HIPK2: variants seen among roughly 807,000 people sequenced by gnomAD.
HIPK2 encodes the protein homeodomain-interacting protein kinase 2.
A neutral mutation model predicts 113.7 loss-of-function variants in HIPK2; 27 were observed. That is an observed-to-expected ratio of 0.24 (90% CI 0.17 to 0.33). The LOEUF (loss-of-function observed/expected upper bound fraction) is 0.33, where lower values mean the gene tolerates loss of function less well. HIPK2 is among the 10% of genes least tolerant of loss of function. The pLI is 1.00. For missense variants in HIPK2, 1,257 were observed against 1,588.0 expected (o/e 0.79, Z 3.54); for synonymous variants, 631 against 642.2 (o/e 0.98, Z 0.26).
At chr7:139,617,061 CTGCT>C (rs1366510361) in intron 7 of HIPK2, among the ~76,000 whole-genome samples, 1 of 152,172 alleles carries the variant, frequency 6.6e-6, no homozygotes, top group Non-Finnish European at 1.5e-5. Flanking sequence ...GTTTCGAACC[CTGCT>C]TAAGGACCAG....
At chr7:139,604,671 G>A (rs537628753) in intron 9 of HIPK2, among the ~76,000 whole-genome samples, 60 of 120,824 alleles carry the variant, frequency 5.0e-4, no homozygotes, top group Middle Eastern at 8.6e-3. Flanking sequence ...GCGACAGAGC[G>A]AGACTCCGTC....
At chr7:139,666,235 T>TA (rs569091382) in intron 2 of HIPK2, among the ~76,000 whole-genome samples, 37 of 150,660 alleles carry the variant, frequency 2.5e-4, no homozygotes, top group East Asian at 1.6e-3. Context: ...GAAGAGTGTT[T>TA]AAAAAAAAAA....
intron 12 of HIPK2, among the ~76,000 whole-genome samples, chr7:139,587,210 C>T (rs942546309): frequency 1.3e-5 from 2 of 152,100 alleles, no homozygotes; most frequent in Non-Finnish European, 2.9e-5. Context: ...AAAGTCCAGG[C>T]TGGGTGAGGT....
rs536664124 is a variant in HIPK2, at chr7:139,668,142, A to G, written c.1104-36417T>C. On this transcript the variant is annotated intron_variant, in intron 2 of 14. Coordinates refer to ENST00000406875, the MANE Select transcript of HIPK2 (RefSeq NM_022740.5). ...ACTCCATCTCAAAAAAAAAAAAAAAAAGCAAGCAAGCAAGCAGTTACCTGC... is the reference window on the plus strand; with the variant it reads ...ACTCCATCTCAAAAAAAAAAAAAAAGAGCAAGCAAGCAAGCAGTTACCTGC... Among the ~76,000 whole-genome samples the G allele has an allele frequency of 4.1e-3, 614 of 151,516 alleles. 5 individuals carry two copies. Among genetic ancestry groups the G allele is most frequent in the African/African-American group, 0.015 (606 of 41,288 alleles).
At chr7:139,697,798 T>A (rs1314023782) in intron 2 of HIPK2, among the ~76,000 whole-genome samples, 1 of 152,066 alleles carries the variant, frequency 6.6e-6, no homozygotes, top group African/African-American at 2.4e-5. Flanking sequence ...AAATCCCTTA[T>A]CTATTAAGAA....
intron 2 of HIPK2, among the ~76,000 whole-genome samples, chr7:139,696,054 A>G (rs1794558177): frequency 2.0e-5 from 3 of 152,212 alleles, no homozygotes; most frequent in African/African-American, 7.2e-5. Flanking sequence ...AGAGGGAGAA[A>G]AAGTGTGCTG....
In HIPK2 at chr7:139,575,143, TGGCTGCTGCTGCTGGAAGTGGGGGCCC is replaced by T. The variant is rs768408437; in HGVS notation, c.3084_3110del (p.Gly1029_Pro1037del). 3 of 1,593,786 alleles carry T rather than the reference TGGCTGCTGCTGCTGGAAGTGGGGGCCC, an allele frequency of 1.9e-6. No individual in the cohort carries two copies. The highest frequency in any genetic ancestry group is 3.5e-4 in the Middle Eastern group (2 of 5,780). On this transcript the variant is annotated inframe_deletion, in exon 14 of 15. Coordinates refer to ENST00000406875, the MANE Select transcript of HIPK2 (RefSeq NM_022740.5). ...TGGGGCTTACCTGGCTGAGATTGAG[TGGCTGCTGCTGCTGGAAGTGGGGGCCC>T]GGCCGCTGCTGCCGGTAGGTGATGG... is the stretch of plus-strand genomic sequence containing the variant.
At position 139,561,933 on chromosome 7, in the gene HIPK2, C is replaced by T. The variant is rs1041836419; in HGVS notation, c.*10994G>A. 1 of 152,064 alleles carries T rather than the reference C, an allele frequency of 6.6e-6. No individual in the cohort carries two copies. The highest frequency in any genetic ancestry group is 1.5e-5 in the Non-Finnish European group (1 of 68,024). The allele number at this position is 152,064 out of a possible 1,614,324, so 9.4% of individuals were successfully genotyped here. A position where few individuals can be genotyped will look rare whatever the true frequency, so the allele number is the denominator to read the frequency against. ...AAATGATTAATTTAGAAGCACACGA[C>T]GTCATGATGAAAAACACAAGCATTT... On this transcript the variant is annotated 3_prime_UTR_variant, in exon 15 of 15. Coordinates refer to ENST00000406875, the MANE Select transcript of HIPK2 (RefSeq NM_022740.5).
At chr7:139,611,724 T>G (rs903868013) in intron 9 of HIPK2, among the ~76,000 whole-genome samples, 1 of 151,858 alleles carries the variant, frequency 6.6e-6, no homozygotes, top group Non-Finnish European at 1.5e-5. Context: ...AATTTTTTTT[T>G]GTAGAGATGG....
At chr7:139,693,360 C>T (rs149706804) in intron 2 of HIPK2, among the ~76,000 whole-genome samples, 6 of 152,330 alleles carry the variant, frequency 3.9e-5, no homozygotes, top group Non-Finnish European at 8.8e-5. Flanking sequence ...AAGTAGAGCA[C>T]CTAAGTGCAT....
intron 1 of HIPK2, among the ~76,000 whole-genome samples, chr7:139,758,452 C>T (rs193176034): frequency 8.7e-4 from 133 of 152,224 alleles, no homozygotes; most frequent in African/African-American, 3.1e-3. Flanking sequence ...TCAGAACATA[C>T]TCTAAAACAG....
chr7:139,628,215 G>A (rs1800496011), intron 5 of HIPK2, among the ~76,000 whole-genome samples: 1 of 152,190 alleles, frequency 6.6e-6, no homozygotes, highest in Non-Finnish European at 1.5e-5. Flanking sequence ...TGGGCCTGCT[G>A]AAGCCCAACT....
rs1459956193 is a variant in HIPK2, at chr7:139,562,858, C to T, written c.*10069G>A. 6.6e-6 allele frequency: 1 copy of T among 152,228 alleles called. No homozygotes were observed. The highest frequency in any genetic ancestry group is 1.5e-5 in the Non-Finnish European group (1 of 68,056). 9.4% of individuals were successfully genotyped at this position (152,228 alleles called of 1,614,324 possible). A position where few individuals can be genotyped will look rare whatever the true frequency, so the allele number is the denominator to read the frequency against. ...TCCAATTTGGTTTGATATATATACACAAACATATATATCAACATCTATCTC... is the reference window on the plus strand; with the variant it reads ...TCCAATTTGGTTTGATATATATACATAAACATATATATCAACATCTATCTC... On this transcript the variant is annotated 3_prime_UTR_variant, in exon 15 of 15. Transcript: ENST00000406875.
chr7:139,766,695 G>T (rs1796558439), intron 1 of HIPK2, among the ~76,000 whole-genome samples: 1 of 152,164 alleles, frequency 6.6e-6, no homozygotes, highest in South Asian at 2.1e-4. Context: ...TTCAAACTCT[G>T]GCTCTACCAA....
rs56177157 is a variant in HIPK2 at position 139,626,669 on chromosome 7, A to G, written c.1551T>C (p.Thr517=). ...MLTIDADKRI[T]PIETLNHPFV... Reference sequence around the variant, plus strand: ...AGGGATGGTTCAGGGTTTCGATTGGAGTGATTCTCTTGTCAGCATCAATGG... The same window carrying G: ...AGGGATGGTTCAGGGTTTCGATTGGGGTGATTCTCTTGTCAGCATCAATGG... Residue 517 remains threonine (T), a synonymous_variant, in exon 6 of 15, where the codon ACT becomes ACC. Transcript: ENST00000406875. 1.1e-4 allele frequency: 173 copies of G among 1,613,880 alleles called. 2 individuals carry two copies. In the East Asian group the frequency reaches 3.4e-3, roughly 32 times the overall value.
At chr7:139,679,819 TCAAA>T (rs1569472594) in intron 2 of HIPK2, among the ~76,000 whole-genome samples, 1 of 151,942 alleles carries the variant, frequency 6.6e-6, no homozygotes, top group Non-Finnish European at 1.5e-5. Context: ...CTAAAGAAAC[TCAAA>T]CATTGACTGG....
Position 139,777,611 on chromosome 7 carries a change from A to C in HIPK2, c.13T>G (p.Tyr5Asp). ...GGGGCCGGGCGCCCCTTACCTTCGT[A>C]CACGGGGGCCATCGGGGCCGGGGTG... Reference protein sequence around the residue: MAPVYEGMASHVQVF... With the variant: MAPVDEGMASHVQVF... The change falls in exon 1 of 15, where the codon TAC becomes GAC. Residue 5 changes from tyrosine (Y) to aspartate (D), a missense_variant. Physicochemically the swap from Tyr to Asp is radical, Grantham distance 160. This residue lies in a region of HIPK2 where 209 missense variants were observed against 237.8 expected (regional missense o/e 0.88). Coordinates refer to ENST00000406875, the MANE Select transcript of HIPK2 (RefSeq NM_022740.5). 1 of 1,070,358 alleles carries C rather than the reference A, an allele frequency of 9.3e-7. No individual in the cohort carries two copies. Among genetic ancestry groups the C allele is most frequent in the Non-Finnish European group, 1.1e-6 (1 of 883,214 alleles). 66.3% of individuals were successfully genotyped at this position (1,070,358 alleles called of 1,614,324 possible). A position where few individuals can be genotyped will look rare whatever the true frequency, so the allele number is the denominator to read the frequency against.
intron 1 of HIPK2, among the ~76,000 whole-genome samples, chr7:139,728,517 G>GT (rs996923623): frequency 6.6e-6 from 1 of 152,162 alleles, no homozygotes; most frequent in Non-Finnish European, 1.5e-5. Context: ...CCCTCTGTGT[G>GT]TATCTGTGTC....
chr7:139,587,560 G>A (rs1483405842), intron 12 of HIPK2, among the ~76,000 whole-genome samples: 1 of 151,620 alleles, frequency 6.6e-6, no homozygotes, highest in Non-Finnish European at 1.5e-5. Flanking sequence ...GTACATCAGG[G>A]CTCAGTAGAG....
Sources: gnomAD v4.1 joint callset for allele counts (sites outside exome capture counted in the v4.1 genomes callset) on GRCh38, gnomAD v4.1.1 for gene constraint, gnomAD v4.1.1 regional missense constraint, MANE v1.5 for transcripts, NCBI Gene and HGNC (gene_info 2026-07-23, HGNC 2026-07-21) for gene names.